RIMS2: variants seen among roughly 807,000 people sequenced by gnomAD.
RIMS2 encodes regulating synaptic membrane exocytosis 2.
In RIMS2, 59 loss-of-function variants were observed where a neutral mutation model predicts 174.4. The ratio of observed to expected loss-of-function variants is 0.34; its 90% CI spans 0.27 to 0.42. The LOEUF (loss-of-function observed/expected upper bound fraction) is 0.42, where lower values mean the gene tolerates loss of function less well. Among genes scored for constraint, RIMS2 ranks in the 10% least tolerant of loss-of-function variants. RIMS2 has a pLI of 1.00. For synonymous variants in RIMS2, 606 were observed against 572.5 expected (o/e 1.06, Z -0.84); for missense variants, 1,620 against 1,666.3 (o/e 0.97, Z 0.48).
chr8:103,791,945 G>GT (rs2098503007), intron 3 of RIMS2, among the ~76,000 whole-genome samples: 2 of 152,072 alleles, frequency 1.3e-5, no homozygotes, highest in Admixed American at 1.3e-4. Context: ...CCTACAAAGA[G>GT]ACTTAGACTC....
At chr8:103,704,696 G>T (rs1319376622) in intron 2 of RIMS2, among the ~76,000 whole-genome samples, 1 of 151,864 alleles carries the variant, frequency 6.6e-6, no homozygotes, top group Non-Finnish European at 1.5e-5. Context: ...ATCCAATCTT[G>T]GTAGGTTGTA....
chr8:103,797,652 T>C (rs774194318), intron 3 of RIMS2, among the ~76,000 whole-genome samples: 3 of 152,190 alleles, frequency 2.0e-5, no homozygotes, highest in Non-Finnish European at 4.4e-5. Context: ...ATCAGATTGA[T>C]CTTTAGTGTT....
At chr8:104,100,920 T>G (rs1598850814) in intron 19 of RIMS2, among the ~76,000 whole-genome samples, 1 of 132,274 alleles carries the variant, frequency 7.6e-6, no homozygotes, top group East Asian at 2.1e-4. Context: ...TGTAATATAT[T>G]ATATATGTGA....
chr8:103,556,966 T>A (rs1325139429), intron 1 of RIMS2, among the ~76,000 whole-genome samples: 1 of 152,140 alleles, frequency 6.6e-6, no homozygotes, highest in African/African-American at 2.4e-5. Flanking sequence ...CATTATAGGT[T>A]AAAACAACTG....
In RIMS2 at chr8:103,732,923, A is replaced by G. The variant is rs147951935; in HGVS notation, c.388-33304A>G. 4.2e-3 allele frequency among the ~76,000 whole-genome samples: 641 copies of G among 152,206 alleles called. 4 individuals are homozygous for G. Among genetic ancestry groups the G allele is most frequent in the African/African-American group, 0.015 (610 of 41,512 alleles). On this transcript the variant is annotated intron_variant, in intron 2 of 23. Coordinates refer to ENST00000504942, the Ensembl canonical transcript of RIMS2. ...ACTCCATGAGCTCACTTGGTGCTCT[A>G]CCACACTGTCACTGAGCTGGTACAC...
At chr8:104,007,887 T>A (rs543781775) in intron 17 of RIMS2, among the ~76,000 whole-genome samples, 136 of 152,282 alleles carry the variant, frequency 8.9e-4, no homozygotes, top group African/African-American at 3.2e-3. Flanking sequence ...AGATTTGGAC[T>A]TATTATGAAG....
intron 2 of RIMS2, among the ~76,000 whole-genome samples, chr8:103,735,042 AC>A (rs2097667583): frequency 6.6e-6 from 1 of 152,136 alleles, no homozygotes; most frequent in Non-Finnish European, 1.5e-5. Context: ...AGGGATACTA[AC>A]ACTGCTACAC....
Position 103,629,274 on chromosome 8 carries a change from G to T in RIMS2, c.177-67812G>T, listed in dbSNP as rs554312164. On this transcript the variant is annotated intron_variant, in intron 1 of 23. Transcript: ENST00000504942. ...GGATTACTGAGAGGGTTAGAGGGAA[G>T]AATTTTTATAATCTGCATATGAAGT... Among the ~76,000 whole-genome samples, 151 of 152,318 alleles carry T rather than the reference G, an allele frequency of 9.9e-4. 1 individual carries two copies. The highest frequency in any genetic ancestry group is 2.4e-3 in the African/African-American group (101 of 41,560).
At chr8:104,100,716 A>G (rs1389382140) in intron 19 of RIMS2, among the ~76,000 whole-genome samples, 2 of 149,462 alleles carry the variant, frequency 1.3e-5, no homozygotes, top group Non-Finnish European at 3.0e-5. Flanking sequence ...AATGTAGCCC[A>G]TTGTATTTTC....
At chr8:103,991,609 G>T (rs2094703283) in intron 17 of RIMS2, among the ~76,000 whole-genome samples, 1 of 152,026 alleles carries the variant, frequency 6.6e-6, no homozygotes, top group Non-Finnish European at 1.5e-5. Flanking sequence ...TGATTAAAAA[G>T]CCTAAGAGAG....
chr8:103,730,079 C>T (rs1225298164), intron 2 of RIMS2, among the ~76,000 whole-genome samples: 1 of 152,134 alleles, frequency 6.6e-6, no homozygotes, highest in Non-Finnish European at 1.5e-5. Context: ...GACTATACTG[C>T]AGATTATGTC....
intron 16 of RIMS2, chr8:103,977,064 C>A (rs2093509081): frequency 6.6e-6 from 1 of 152,086 alleles, no homozygotes; most frequent in African/African-American, 2.4e-5. Flanking sequence ...ACTTATACAT[C>A]CTATTTTAAA....
chr8:103,984,405 A>C (rs2094183792), intron 16 of RIMS2, among the ~76,000 whole-genome samples: 1 of 152,322 alleles, frequency 6.6e-6, no homozygotes, highest in Non-Finnish European at 1.5e-5. Context: ...ATTTTAATAG[A>C]GATTTCTCAA....
At chr8:104,111,370 TAA>T (rs925960719) in intron 19 of RIMS2, among the ~76,000 whole-genome samples, 1 of 152,210 alleles carries the variant, frequency 6.6e-6, no homozygotes, top group African/African-American at 2.4e-5. Context: ...AGCCACAGTA[TAA>T]AGAGATGGAA....
chr8:103,833,223 A>G lies in RIMS2; in HGVS notation c.699-52075A>G, dbSNP rs567068347. ...TTTGATGAGAAGTAAATGGTTCGTG[A>G]TGACAAGTCGTTGGCACTTGATTGT... On this transcript the variant is annotated intron_variant, in intron 3 of 23. Transcript: ENST00000504942. Among the ~76,000 whole-genome samples, 419 of 152,260 alleles carry G rather than the reference A, an allele frequency of 2.8e-3. 5 individuals carry two copies. Among genetic ancestry groups the G allele is most frequent in the Non-Finnish European group, 4.4e-3 (300 of 68,006 alleles).
chr8:104,123,844 G>A (rs1415935339), intron 19 of RIMS2, among the ~76,000 whole-genome samples: 1 of 152,036 alleles, frequency 6.6e-6, no homozygotes, highest in Non-Finnish European at 1.5e-5. Context: ...TTAATAAGAT[G>A]CAGAATAAAG....
chr8:104,034,682 A>T (rs1247099478), intron 19 of RIMS2, among the ~76,000 whole-genome samples: 2 of 151,510 alleles, frequency 1.3e-5, no homozygotes, highest in African/African-American at 4.8e-5. Flanking sequence ...GTTGGCCAGG[A>T]TGGTCTCAAA....
In RIMS2 at chr8:104,094,871, G is replaced by C. The variant is rs545875813; in HGVS notation, c.3334+80256G>C. On this transcript the variant is annotated intron_variant, in intron 19 of 23. Coordinates refer to ENST00000504942, the Ensembl canonical transcript of RIMS2. Reference sequence around the variant, plus strand: ...TCTAATATTACTAATTAATATGTTGGCAAACTATTATCAAATAGATTGATT... The same window carrying C: ...TCTAATATTACTAATTAATATGTTGCCAAACTATTATCAAATAGATTGATT... The C allele has an allele frequency of 9.1e-6, 5 of 547,790 alleles. No individual in the cohort carries two copies. The East Asian group carries it at 1.5e-4, about 16-fold the overall frequency. 33.9% of individuals were successfully genotyped at this position (547,790 alleles called of 1,614,324 possible).
intron 19 of RIMS2, among the ~76,000 whole-genome samples, chr8:104,041,679 G>A (rs1054540476): frequency 6.6e-5 from 10 of 151,542 alleles, no homozygotes; most frequent in African/African-American, 1.7e-4. Flanking sequence ...CATATGTTTG[G>A]TTTCAAGCAT....
Sources: gnomAD v4.1 joint callset for allele counts (sites outside exome capture counted in the v4.1 genomes callset) on GRCh38, gnomAD v4.1.1 for gene constraint, MANE v1.5 for transcripts, NCBI Gene and HGNC (gene_info 2026-07-23, HGNC 2026-07-21) for gene names.